CTNNA3: variants seen among roughly 807,000 people sequenced by gnomAD.
CTNNA3 encodes the protein catenin alpha 3, also known as catenin alpha-3.
Under a neutral mutation model 95.7 loss-of-function variants are expected in CTNNA3, and 76 were observed. The observed-to-expected ratio is 0.79, with a 90% CI of 0.66 to 0.96. CTNNA3 has a LOEUF of 0.96. Ranked by LOEUF, CTNNA3 falls within the 40% of genes least tolerant of loss-of-function variation. The pLI, the probability that CTNNA3 is intolerant of heterozygous loss-of-function variation, is 0.00. For missense variants in CTNNA3, 1,191 were observed against 1,089.8 expected, an observed-to-expected ratio of 1.09 and a Z score of -1.31; for synonymous variants, 431 against 374.4, an observed-to-expected ratio of 1.15 and a Z score of -1.74.
Position 66,420,059 on chromosome 10 carries a change from C to T in CTNNA3, c.1532-40707G>A, listed in dbSNP as rs531207854. Among the ~76,000 whole-genome samples, 11 of 152,244 alleles carry T rather than the reference C, an allele frequency of 7.2e-5. No individual in the cohort carries two copies. In the South Asian group the frequency reaches 2.3e-3, roughly 32 times the overall value. On this transcript the variant is annotated intron_variant, in intron 11 of 17. Coordinates refer to ENST00000433211, the MANE Select transcript of CTNNA3 (RefSeq NM_013266.4). The stretch of plus-strand genomic sequence containing the variant: ...AATGAGACTATATTAAAATCAAAAA[C>T]TTCTGCATAGCAAAGGAAACAATCA...
intron 7 of CTNNA3, among the ~76,000 whole-genome samples, chr10:66,887,372 C>T (rs1845082730): frequency 6.6e-6 from 1 of 152,102 alleles, no homozygotes; most frequent in African/African-American, 2.4e-5. Context: ...TTCAAAATAT[C>T]ACTAGCCTAC....
chr10:66,249,226 G>A (rs2090452380), intron 13 of CTNNA3, among the ~76,000 whole-genome samples: 1 of 152,046 alleles, frequency 6.6e-6, no homozygotes. Flanking sequence ...AAGATTTCTT[G>A]AGTAGTACCC....
intron 13 of CTNNA3, among the ~76,000 whole-genome samples, chr10:66,243,543 T>C (rs1220002073): frequency 6.6e-6 from 1 of 152,134 alleles, no homozygotes; most frequent in Admixed American, 6.5e-5. Flanking sequence ...GAACAGAAAA[T>C]ACTTGAATCC....
intron 11 of CTNNA3, among the ~76,000 whole-genome samples, chr10:66,516,064 G>GAA (rs5785760): frequency 1.4e-5 from 2 of 141,250 alleles, no homozygotes; most frequent in African/African-American, 2.6e-5. Flanking sequence ...TAATTATCTG[G>GAA]AAAAAAAAAA....
chr10:67,373,776 TACATAAGAAAC>T (rs1843579855), intron 5 of CTNNA3, among the ~76,000 whole-genome samples: 1 of 152,186 alleles, frequency 6.6e-6, no homozygotes, highest in Non-Finnish European at 1.5e-5. Flanking sequence ...TCTGGAAAGA[TACATAAGAAAC>T]ACATAATTTT....
At chr10:67,645,917 C>T (rs1215494981) in intron 2 of CTNNA3, among the ~76,000 whole-genome samples, 1 of 147,620 alleles carries the variant, frequency 6.8e-6, no homozygotes, top group African/African-American at 2.5e-5. Context: ...ACTAGCTCCA[C>T]TTGTTAATAT....
At chr10:66,744,448 C>T (rs1272255926) in intron 9 of CTNNA3, among the ~76,000 whole-genome samples, 1 of 152,030 alleles carries the variant, frequency 6.6e-6, no homozygotes, top group Non-Finnish European at 1.5e-5. Flanking sequence ...AACATTTTGT[C>T]AAGATCACTC....
chr10:65,929,173 G>T lies in CTNNA3; in HGVS notation c.2401-8556C>A, dbSNP rs546481962. On this transcript the variant is annotated intron_variant, in intron 17 of 17. Coordinates refer to ENST00000433211, the MANE Select transcript of CTNNA3 (RefSeq NM_013266.4). ...AGTTTACTGAGAATGATGGTTTCTA[G>T]CTTCATCCATGTCCCTGCAAAGGAC... 1.6e-4 allele frequency among the ~76,000 whole-genome samples: 24 copies of T among 152,166 alleles called. No individual in the cohort carries two copies. The South Asian group carries it at 2.5e-3, about 16-fold the overall frequency.
intron 6 of CTNNA3, among the ~76,000 whole-genome samples, chr10:67,204,122 C>A (rs992635725): frequency 1.3e-5 from 2 of 150,886 alleles, no homozygotes; most frequent in Non-Finnish European, 2.9e-5. Context: ...TCTCTTAGAC[C>A]TAAAAGTATT....
intron 7 of CTNNA3, among the ~76,000 whole-genome samples, chr10:66,920,969 T>A (rs1296434768): frequency 6.6e-6 from 1 of 152,214 alleles, no homozygotes; most frequent in African/African-American, 2.4e-5. Context: ...TATGGTGGCC[T>A]CGTTACTGTG....
At chr10:66,446,955 C>T (rs2093426834) in intron 11 of CTNNA3, among the ~76,000 whole-genome samples, 3 of 151,714 alleles carry the variant, frequency 2.0e-5, no homozygotes, top group African/African-American at 7.3e-5. Context: ...TCTCCTTAAG[C>T]TGATAAGCAA....
chr10:66,344,604 T>A (rs1292522364), intron 12 of CTNNA3, among the ~76,000 whole-genome samples: 1 of 152,006 alleles, frequency 6.6e-6, no homozygotes, highest in East Asian at 1.9e-4. Flanking sequence ...ATTTTAAAAA[T>A]CAAAAATTGA....
intron 13 of CTNNA3, among the ~76,000 whole-genome samples, chr10:66,247,974 A>G (rs1383393121): frequency 6.6e-6 from 1 of 152,216 alleles, no homozygotes; most frequent in Non-Finnish European, 1.5e-5. Flanking sequence ...ATTTGAGGGT[A>G]TAAACTCCTA....
chr10:66,217,845 A>G (rs1824670), intron 13 of CTNNA3, among the ~76,000 whole-genome samples: 5,539 of 152,256 alleles, frequency 0.036, 245 homozygotes, highest in African/African-American at 0.11. Flanking sequence ...CGGGAGGTCC[A>G]GCGAAACTCC....
intron 5 of CTNNA3, among the ~76,000 whole-genome samples, chr10:67,423,147 G>A (rs1845806392): frequency 6.6e-6 from 1 of 152,058 alleles, no homozygotes; most frequent in South Asian, 2.1e-4. Context: ...TGTTTTACCT[G>A]CTAGCATCTC....
At chr10:66,084,075 C>T (rs571504724) in intron 14 of CTNNA3, among the ~76,000 whole-genome samples, 11 of 142,578 alleles carry the variant, frequency 7.7e-5, no homozygotes, top group African/African-American at 7.8e-5. Context: ...GCAGAGGTTG[C>T]GGTGAGCCAA....
At chr10:67,653,389 C>A (rs2133498813) in intron 1 of CTNNA3, among the ~76,000 whole-genome samples, 1 of 152,282 alleles carries the variant, frequency 6.6e-6, no homozygotes, top group Non-Finnish European at 1.5e-5. Flanking sequence ...ATCCAAACTA[C>A]ATATGTCCCT....
In CTNNA3 at chr10:66,039,674, C is replaced by A. The variant is rs374405437; in HGVS notation, c.2159+29634G>T. 7.2e-4 allele frequency among the ~76,000 whole-genome samples: 109 copies of A among 152,254 alleles called. 3 individuals carry two copies. The South Asian group carries it at 0.022, about 31-fold the overall frequency. ...AATGGTGCTGGGATAACTGGCTAGC[C>A]ATGTGCAGAAGATTGAAACTGGACA... On this transcript the variant is annotated intron_variant, in intron 15 of 17. Coordinates refer to ENST00000433211, the MANE Select transcript of CTNNA3 (RefSeq NM_013266.4).
intron 7 of CTNNA3, among the ~76,000 whole-genome samples, chr10:66,851,670 A>ACACACG (rs1272508221): frequency 7.1e-6 from 1 of 141,198 alleles, no homozygotes; most frequent in Non-Finnish European, 1.6e-5. Context: ...ACACACACAC[A>ACACACG]CGCCATGTGA....
Sources: allele counts gnomAD v4.1 joint callset (sites outside exome capture counted in the v4.1 genomes callset), GRCh38; gene constraint gnomAD v4.1.1; transcripts MANE v1.5; gene names NCBI Gene and HGNC (gene_info 2026-07-23, HGNC 2026-07-21).